The following GPC5 variants were observed in gnomAD, a reference collection of about 807,000 sequenced individuals.
GPC5 encodes glypican 5, also known as glypican-5.
A neutral mutation model predicts 53.9 loss-of-function variants in GPC5; 47 were observed. That is an observed-to-expected ratio of 0.87 (90% CI 0.69 to 1.11). GPC5 has a LOEUF of 1.11. GPC5 is among the 50% of genes most tolerant of loss of function. The pLI, the probability that GPC5 is intolerant of heterozygous loss-of-function variation, is 0.00. For synonymous variants in GPC5, 286 were observed against 263.3 expected, an observed-to-expected ratio of 1.09 and a Z score of -0.84; for missense variants, 748 against 713.1, an observed-to-expected ratio of 1.05 and a Z score of -0.56.
At chr13:92,761,974 G>A (rs1875194528) in intron 7 of GPC5, among the ~76,000 whole-genome samples, 1 of 151,932 alleles carries the variant, frequency 6.6e-6, no homozygotes, top group African/African-American at 2.4e-5. Context: ...CCTCAGACAT[G>A]TAAAGTTGAT....
chr13:91,467,970 T>C (rs1331180885), intron 2 of GPC5, among the ~76,000 whole-genome samples: 1 of 152,176 alleles, frequency 6.6e-6, no homozygotes, highest in Non-Finnish European at 1.5e-5. Flanking sequence ...CCCCAGAATA[T>C]CGCTGGCTCA....
intron 6 of GPC5, among the ~76,000 whole-genome samples, chr13:92,008,170 C>T (rs1021174522): frequency 1.6e-4 from 24 of 149,848 alleles, no homozygotes; most frequent in African/African-American, 5.6e-4. Context: ...TCACGCCATT[C>T]TCCTGCTTCA....
At chr13:92,337,626 A>T (rs1210416514) in intron 7 of GPC5, among the ~76,000 whole-genome samples, 1 of 152,196 alleles carries the variant, frequency 6.6e-6, no homozygotes, top group Non-Finnish European at 1.5e-5. Flanking sequence ...TTAGTGGAAC[A>T]GAATACAGAG....
chr13:91,451,112 G>A (rs775188608), intron 2 of GPC5, among the ~76,000 whole-genome samples: 2 of 152,152 alleles, frequency 1.3e-5, no homozygotes, highest in Non-Finnish European at 2.9e-5. Flanking sequence ...GAAGGAAGCA[G>A]CCAACACATT....
intron 1 of GPC5, among the ~76,000 whole-genome samples, chr13:91,416,995 C>T (rs1056930398): frequency 6.6e-6 from 1 of 152,040 alleles, no homozygotes; most frequent in African/African-American, 2.4e-5. Flanking sequence ...TTTACTTTTA[C>T]GTCTTTTACT....
At chr13:91,430,617 T>A (rs1180953081) in intron 1 of GPC5, among the ~76,000 whole-genome samples, 1 of 152,110 alleles carries the variant, frequency 6.6e-6, no homozygotes, top group African/African-American at 2.4e-5. Flanking sequence ...GCAAAATCTG[T>A]GGGTGGAGAG....
intron 1 of GPC5, 121 bp from the exon 2 acceptor site, chr13:91,448,640 C>G: frequency 1.1e-6 from 1 of 939,266 alleles, no homozygotes; most frequent in Admixed American, 2.8e-5. Flanking sequence ...AGCAAGTACT[C>G]TAGCAAATCC....
At chr13:91,410,420 A>G (rs1427104358) in intron 1 of GPC5, among the ~76,000 whole-genome samples, 2 of 132,016 alleles carry the variant, frequency 1.5e-5, no homozygotes, top group Non-Finnish European at 3.0e-5. Flanking sequence ...ATCTTGGCTC[A>G]CTGCAAGCTC....
chr13:92,650,668 T>C (rs1039684004), intron 7 of GPC5, among the ~76,000 whole-genome samples: 23 of 152,222 alleles, frequency 1.5e-4, no homozygotes, highest in Admixed American at 7.2e-4. Context: ...AAAATTTGCA[T>C]ATATTTATGA....
chr13:91,963,320 T>C (rs1033526052), intron 6 of GPC5, among the ~76,000 whole-genome samples: 2 of 152,194 alleles, frequency 1.3e-5, no homozygotes, highest in African/African-American at 4.8e-5. Flanking sequence ...CCACAGGTTT[T>C]GAATCCAATT....
chr13:91,460,413 T>C (rs1372623644), intron 2 of GPC5, among the ~76,000 whole-genome samples: 1 of 151,912 alleles, frequency 6.6e-6, no homozygotes, highest in African/African-American at 2.4e-5. Flanking sequence ...TTCTCATGCC[T>C]CAGCCTCCTG....
At chr13:92,569,889 G>A (rs573164001) in intron 7 of GPC5, among the ~76,000 whole-genome samples, 2 of 152,286 alleles carry the variant, frequency 1.3e-5, no homozygotes, top group African/African-American at 4.8e-5. Context: ...AATATAAACA[G>A]TTACACTGTG....
At chr13:91,464,959 T>C (rs1458654509) in intron 2 of GPC5, among the ~76,000 whole-genome samples, 3 of 152,156 alleles carry the variant, frequency 2.0e-5, no homozygotes, top group Non-Finnish European at 4.4e-5. Context: ...AAGGGACTTC[T>C]CTGTACATTT....
At chr13:91,700,102 A>G (rs2035962452) in intron 3 of GPC5, among the ~76,000 whole-genome samples, 1 of 152,134 alleles carries the variant, frequency 6.6e-6, no homozygotes, top group African/African-American at 2.4e-5. Context: ...ATGCCTGATT[A>G]GCTCTGAATC....
At position 92,420,782 on chromosome 13, in the gene GPC5, T is replaced by G. The variant is rs989807362; in HGVS notation, c.1561+275793T>G. ...TGCCTGGCTTGTTTCACTTAGCTAA[T>G]GACCTCCAGGTCTATCCATGTTGTT... On this transcript the variant is annotated intron_variant, in intron 7 of 7. Coordinates refer to ENST00000377067, the MANE Select transcript of GPC5 (RefSeq NM_004466.6). 9.9e-4 allele frequency among the ~76,000 whole-genome samples: 151 copies of G among 152,330 alleles called. 1 individual carries two copies. The highest frequency in any genetic ancestry group is 3.6e-3 in the African/African-American group (148 of 41,572).
At chr13:91,836,866 T>A (rs2038727923) in intron 5 of GPC5, among the ~76,000 whole-genome samples, 1 of 151,418 alleles carries the variant, frequency 6.6e-6, no homozygotes, top group Non-Finnish European at 1.5e-5. Context: ...TATGCTCAAA[T>A]AAGAAATCTG....
At chr13:91,501,931 C>T (rs1406867664) in intron 2 of GPC5, among the ~76,000 whole-genome samples, 3 of 152,110 alleles carry the variant, frequency 2.0e-5, no homozygotes, top group African/African-American at 7.2e-5. Flanking sequence ...TTGTAATGAT[C>T]GCCATTTTAA....
At chr13:92,745,879 C>T (rs1889228857) in intron 7 of GPC5, among the ~76,000 whole-genome samples, 1 of 151,994 alleles carries the variant, frequency 6.6e-6, no homozygotes, top group African/African-American at 2.4e-5. Flanking sequence ...TTCACTAAGT[C>T]ATTTCTTATA....
intron 7 of GPC5, among the ~76,000 whole-genome samples, chr13:92,549,810 T>C (rs1348010706): frequency 2.0e-5 from 3 of 151,748 alleles, no homozygotes; most frequent in Admixed American, 1.3e-4. Context: ...TTTATAAACC[T>C]CTCTTTTAAA....
Sources: allele counts gnomAD v4.1 joint callset (sites outside exome capture counted in the v4.1 genomes callset), GRCh38; gene constraint gnomAD v4.1.1; transcripts MANE v1.5; gene names NCBI Gene and HGNC (gene_info 2026-07-23, HGNC 2026-07-21).